Variants in PDGFD observed in about 807,000 individuals in gnomAD.
PDGFD encodes platelet-derived growth factor D.
Under a neutral mutation model 44.7 loss-of-function variants are expected in PDGFD, and 30 were observed. The ratio of observed to expected loss-of-function variants is 0.67; its 90% CI spans 0.50 to 0.91. The LOEUF (loss-of-function observed/expected upper bound fraction) is 0.91, where lower values mean the gene tolerates loss of function less well. PDGFD is among the 40% of genes least tolerant of loss of function. PDGFD has a pLI of 0.00. For missense variants in PDGFD, 445 were observed against 457.8 expected (o/e 0.97, Z 0.25); for synonymous variants, 173 against 168.4 (o/e 1.03, Z -0.21).
At chr11:103,946,485 G>C (rs575273703) in intron 4 of PDGFD, 2 of 152,318 alleles carry the variant, frequency 1.3e-5, no homozygotes, top group South Asian at 4.1e-4. Flanking sequence ...GTTGGAGCAA[G>C]AATCATTAGA....
intron 1 of PDGFD, among the ~76,000 whole-genome samples, chr11:104,028,964 G>A (rs1158685767): frequency 6.6e-6 from 1 of 152,208 alleles, no homozygotes; most frequent in South Asian, 2.1e-4. Context: ...ACTCTGATTA[G>A]TTCCTGTCCT....
At chr11:104,066,542 C>T (rs552783172) in intron 1 of PDGFD, among the ~76,000 whole-genome samples, 3 of 152,252 alleles carry the variant, frequency 2.0e-5, no homozygotes, top group South Asian at 2.1e-4. Context: ...TCCTTTTATA[C>T]AGTAGGGAAT....
rs958647816 is a variant in PDGFD at position 104,000,401 on chromosome 11, C to T, written c.125-146G>A. On this transcript the variant is annotated intron_variant, in intron 1 of 6. Transcript: ENST00000393158. ...TTAAGTCTAAATGCAAATAAACAAA[C>T]TTTTTTTCTCACACTGATGGCGTAG... The T allele has an allele frequency of 1.2e-4, 84 of 688,002 alleles. 1 individual carries two copies. In the South Asian group the frequency reaches 1.6e-3, roughly 13 times the overall value. 42.6% of individuals were successfully genotyped at this position (688,002 alleles called of 1,614,324 possible). A position where few individuals can be genotyped will look rare whatever the true frequency, so the allele number is the denominator to read the frequency against.
intron 1 of PDGFD, among the ~76,000 whole-genome samples, chr11:104,147,222 G>C (rs967895706): frequency 6.6e-6 from 1 of 152,040 alleles, no homozygotes; most frequent in African/African-American, 2.4e-5. Context: ...ACTGTGCTTG[G>C]TTTTTCACAG....
At chr11:104,018,151 C>A (rs958009853) in intron 1 of PDGFD, among the ~76,000 whole-genome samples, 1 of 151,880 alleles carries the variant, frequency 6.6e-6, no homozygotes, top group African/African-American at 2.4e-5. Context: ...CCCCCCTCCA[C>A]ACACACCCCA....
intron 1 of PDGFD, among the ~76,000 whole-genome samples, chr11:104,150,484 A>G (rs889726166): frequency 2.0e-5 from 3 of 152,188 alleles, no homozygotes; most frequent in African/African-American, 7.2e-5. Context: ...ACCCTCTATT[A>G]GTTTCCTGTA....
At chr11:104,065,844 C>A (rs976275679) in intron 1 of PDGFD, among the ~76,000 whole-genome samples, 2 of 152,094 alleles carry the variant, frequency 1.3e-5, no homozygotes, top group African/African-American at 4.8e-5. Context: ...ATGCTGAATA[C>A]ATTTTCTAGT....
intron 1 of PDGFD, among the ~76,000 whole-genome samples, chr11:104,085,471 T>G (rs1296287147): frequency 6.6e-6 from 1 of 152,172 alleles, no homozygotes; most frequent in Non-Finnish European, 1.5e-5. Context: ...CTGAACGACA[T>G]TTCTGTTCCC....
At chr11:104,118,917 C>G (rs375971822) in intron 1 of PDGFD, among the ~76,000 whole-genome samples, 33,430 of 75,176 alleles carry the variant, frequency 0.44, 8,269 homozygotes, top group South Asian at 0.61. Context: ...ATATTATATA[C>G]ATAATATATT....
At chr11:104,145,719 G>A (rs991912645) in intron 1 of PDGFD, among the ~76,000 whole-genome samples, 3 of 152,170 alleles carry the variant, frequency 2.0e-5, no homozygotes, top group South Asian at 2.1e-4. Flanking sequence ...GAACTGAAGT[G>A]TATCTTCCCA....
chr11:104,035,674 C>G (rs890308644), intron 1 of PDGFD, among the ~76,000 whole-genome samples: 1 of 144,342 alleles, frequency 6.9e-6, no homozygotes, highest in African/African-American at 2.6e-5. Context: ...TAATTTTTTT[C>G]CAGCTTCATA....
rs535542747 is a variant in PDGFD at position 104,037,113 on chromosome 11, T to C, written c.125-36858A>G. The C allele has an allele frequency of 1.9e-5, 31 of 1,614,128 alleles. No individual in the cohort carries two copies. In the East Asian group the frequency reaches 6.5e-4, roughly 34 times the overall value. ...CGAACCAGCCTCGTGTAGACTTCAG[T>C]GGCATTGCGGTGCCTGGGACGTCCA... On this transcript the variant is annotated intron_variant, in intron 1 of 6. Coordinates refer to ENST00000393158, the MANE Select transcript of PDGFD (RefSeq NM_025208.5).
intron 6 of PDGFD, among the ~76,000 whole-genome samples, chr11:103,918,926 G>A (rs182663571): frequency 4.3e-4 from 66 of 152,276 alleles, no homozygotes; most frequent in African/African-American, 1.5e-3. Context: ...TTAAAGGGAA[G>A]GAACACTGAA....
chr11:103,970,916 G>T (rs1859094066), intron 3 of PDGFD, among the ~76,000 whole-genome samples: 1 of 152,084 alleles, frequency 6.6e-6, no homozygotes, highest in South Asian at 2.1e-4. Flanking sequence ...CAGTGGAAAA[G>T]CCATCCTGTA....
intron 1 of PDGFD, among the ~76,000 whole-genome samples, chr11:104,019,116 C>A (rs1859911212): frequency 6.6e-6 from 1 of 152,198 alleles, no homozygotes; most frequent in South Asian, 2.1e-4. Context: ...AAAACACACA[C>A]TCCACTTTGT....
rs116367621 is a variant in PDGFD at position 104,070,037 on chromosome 11, C to G, written c.125-69782G>C. 4.6e-3 allele frequency among the ~76,000 whole-genome samples: 699 copies of G among 152,216 alleles called. 8 individuals are homozygous for G. Among genetic ancestry groups the G allele is most frequent in the African/African-American group, 0.016 (666 of 41,528 alleles). On this transcript the variant is annotated intron_variant, in intron 1 of 6. Transcript: ENST00000393158. ...CCGGTGGAAGCCCCTACATGTTGGA[C>G]TTCATGTTCTTTTGACATGTCCCCA...
chr11:103,991,812 C>T (rs1859457491), intron 3 of PDGFD, among the ~76,000 whole-genome samples: 1 of 152,070 alleles, frequency 6.6e-6, no homozygotes. Flanking sequence ...TAATTTAATC[C>T]TCAAAACAAC....
At chr11:103,917,333 T>G (rs918696649) in intron 6 of PDGFD, among the ~76,000 whole-genome samples, 17 of 152,204 alleles carry the variant, frequency 1.1e-4, no homozygotes, top group South Asian at 2.1e-4. Flanking sequence ...AGTAGTTAAA[T>G]AGAAGCCAAC....
rs79263388 is a variant in PDGFD at position 104,156,596 on chromosome 11, A to G, written c.124+7208T>C. Among the ~76,000 whole-genome samples, 1,338 of 152,218 alleles carry G rather than the reference A, an allele frequency of 8.8e-3. 18 individuals are homozygous for G. Among genetic ancestry groups the G allele is most frequent in the African/African-American group, 0.03 (1,261 of 41,534 alleles). The stretch of plus-strand genomic sequence containing the variant: ...GCTTCCACAGACCTCTCCACCTCCT[A>G]ATTGTATAAAAACCACTAAACTGCA... On this transcript the variant is annotated intron_variant, in intron 1 of 6. Transcript: ENST00000393158.
Sources: gnomAD v4.1 joint callset for allele counts (sites outside exome capture counted in the v4.1 genomes callset) on GRCh38, gnomAD v4.1.1 for gene constraint, MANE v1.5 for transcripts, NCBI Gene and HGNC (gene_info 2026-07-23, HGNC 2026-07-21) for gene names.